Variants in NMRAL1 observed in about 807,000 individuals in gnomAD.
NMRAL1 encodes the protein NmrA like redox sensor 1.
Under a neutral mutation model 27.5 loss-of-function variants are expected in NMRAL1, and 32 were observed. The ratio of observed to expected loss-of-function variants is 1.16; its 90% CI spans 0.88 to 1.56. The LOEUF is 1.56. NMRAL1 is among the 40% of genes most tolerant of loss of function. The probability of loss-of-function intolerance (pLI) is 0.00; values close to 1 mark genes in which losing one functional copy is unlikely to be tolerated. For synonymous variants in NMRAL1, 166 were observed against 166.8 expected (o/e 1.00, Z 0.04); for missense variants, 420 against 392.0 (o/e 1.07, Z -0.60).
chr16:4,473,963 C>A, intron 2 of NMRAL1, 130 bp downstream of exon 2: 1 of 653,810 alleles, frequency 1.5e-6, no homozygotes, highest in East Asian at 2.9e-5. Context: ...GGCCTCGTTC[C>A]TGCGACCACA....
rs145195684 is a variant in NMRAL1 at position 4,466,500 on chromosome 16, C to T, written c.280-98G>A. On this transcript the variant is annotated intron_variant, in intron 3 of 5. Transcript: ENST00000283429. ...CTAATCCCGGAGCGGCCACCATCTG[C>T]GAGGTTAACATCTAGACCCCACTTA... The T allele has an allele frequency of 4.5e-4, 580 of 1,279,746 alleles. 1 individual carries two copies. Among genetic ancestry groups the T allele is most frequent in the Non-Finnish European group, 5.9e-4 (541 of 914,216 alleles). The allele number at this position is 1,279,746 out of a possible 1,614,324, so 79.3% of individuals were successfully genotyped here.
intron 3 of NMRAL1, among the ~76,000 whole-genome samples, chr16:4,467,768 C>G (rs1015465362): frequency 6.6e-6 from 1 of 151,564 alleles, no homozygotes; most frequent in Admixed American, 6.6e-5. Flanking sequence ...TACAGGCGCC[C>G]ACCACCATGC....
Position 4,466,164 on chromosome 16 carries a change from C to G in NMRAL1, c.518G>C (p.Ser173Thr), listed in dbSNP as rs763091137. 2.4e-5 allele frequency: 39 copies of G among 1,614,184 alleles called. No homozygotes were observed. Among genetic ancestry groups the G allele is most frequent in the Non-Finnish European group, 3.3e-5 (39 of 1,180,042 alleles). Residue 173 changes from serine (S) to threonine (T), a missense_variant, in exon 4 of 6, where the codon AGC (serine) becomes ACC (threonine). Physicochemically the swap from Ser to Thr is moderately conservative, Grantham distance 58. Transcript: ENST00000283429. ...FLPQKAPDGK[S>T]YLLSLPTGDV... is the part of the protein sequence containing the mutation. ...GAAAGGGCACTTACTCAGCAAGTAG[C>G]TCTTTCCGTCTGGGGCTTTCTGGGG...
chr16:4,475,831 C>G (rs1364142417), upstream of NMRAL1: 1 of 151,960 alleles, frequency 6.6e-6, no homozygotes, highest in African/African-American at 2.4e-5. Flanking sequence ...CCCAGCTATT[C>G]GGGAGGTTAA....
intron 3 of NMRAL1, among the ~76,000 whole-genome samples, chr16:4,468,266 C>A (rs1452926978): frequency 1.3e-5 from 2 of 152,066 alleles, no homozygotes; most frequent in Non-Finnish European, 2.9e-5. Context: ...TGCGCCATTG[C>A]ATGCCAGCCT....
At position 4,469,007 on chromosome 16, in the gene NMRAL1, TG is replaced by T. The variant is rs773517743; in HGVS notation, c.279+219del. On this transcript the variant is annotated intron_variant, in intron 3 of 5. Coordinates refer to ENST00000283429, the MANE Select transcript of NMRAL1 (RefSeq NM_020677.6). ...AAAAAACAAACGAACAGGCCAGGCG[TG>T]GTTGCTCACGGAGACTGAGACGGCC... Among the ~76,000 whole-genome samples the T allele has an allele frequency of 1.4e-3, 211 of 147,436 alleles. 1 individual carries two copies. The highest frequency in any genetic ancestry group is 2.6e-3 in the Non-Finnish European group (178 of 67,286).
In NMRAL1 at chr16:4,466,094, C is replaced by T. The variant is rs1414016487; in HGVS notation, c.529+59G>A. 1.6e-5 allele frequency: 26 copies of T among 1,601,808 alleles called. No homozygotes were observed. The East Asian group carries it at 2.2e-4, about 14-fold the overall frequency. ...CGTGACAGCGGCCCGCGGTCTGTTA[C>T]ACCAACGGCTTTACAGGGTGAGAGC... On this transcript the variant is annotated intron_variant, in intron 4 of 5. Transcript: ENST00000283429.
At position 4,468,642 on chromosome 16, in the gene NMRAL1, C is replaced by T. The variant is rs530831968; in HGVS notation, c.279+585G>A. On this transcript the variant is annotated intron_variant, in intron 3 of 5. Coordinates refer to ENST00000283429, the MANE Select transcript of NMRAL1 (RefSeq NM_020677.6). The stretch of plus-strand genomic sequence containing the variant: ...AAAAAAAAAAAAAAAAAAAGATCTG[C>T]GTTAATCAGAGAAGTTGTCTTTGTC... 2.7e-5 allele frequency among the ~76,000 whole-genome samples: 4 copies of T among 148,082 alleles called. No homozygotes were observed. In the East Asian group the frequency reaches 7.9e-4, roughly 29 times the overall value.
intron 2 of NMRAL1, among the ~76,000 whole-genome samples, chr16:4,470,946 C>CA (rs56092245): frequency 0.58 from 77,665 of 133,370 alleles, 24,046 homozygotes; most frequent in Non-Finnish European, 0.71. Context: ...GACTCCGTCT[C>CA]AAAAAAAAAA....
At chr16:4,474,369 T>C in intron 1 of NMRAL1, 185 bp downstream of exon 1, 1 of 485,772 alleles carries the variant, frequency 2.1e-6, no homozygotes, top group Non-Finnish European at 3.7e-6. Context: ...CCTTCCCGCC[T>C]CCCCCGGTTC....
intron 4 of NMRAL1, among the ~76,000 whole-genome samples, chr16:4,465,425 C>T (rs1044737528): frequency 9.8e-4 from 149 of 152,334 alleles, no homozygotes; most frequent in Non-Finnish European, 2.2e-4. Flanking sequence ...GAGCCTTGTT[C>T]CCAGCCAGGG....
intron 2 of NMRAL1, among the ~76,000 whole-genome samples, chr16:4,470,217 C>A (rs1176688499): frequency 6.8e-6 from 1 of 147,078 alleles, no homozygotes; most frequent in East Asian, 2.0e-4. Context: ...CACCTGTAAT[C>A]CTAGCACTTT....
At chr16:4,468,744 C>G (rs1278652964) in intron 3 of NMRAL1, among the ~76,000 whole-genome samples, 1 of 151,530 alleles carries the variant, frequency 6.6e-6, no homozygotes, top group African/African-American at 2.4e-5. Flanking sequence ...TGGATGGGTA[C>G]ACGTGGACAT....
intron 4 of NMRAL1, among the ~76,000 whole-genome samples, chr16:4,464,424 C>T (rs1053611689): frequency 6.6e-6 from 1 of 152,110 alleles, no homozygotes; most frequent in African/African-American, 2.4e-5. Context: ...ATGAATGACT[C>T]GCAAACTTCC....
In NMRAL1 at chr16:4,474,183, G is replaced by C. The variant is rs779207262; in HGVS notation, c.-34-17C>G. 1.4e-5 allele frequency: 22 copies of C among 1,589,994 alleles called. No individual in the cohort carries two copies. Among genetic ancestry groups the C allele is most frequent in the Non-Finnish European group, 1.6e-5 (19 of 1,164,474 alleles). ...TCCAGAGATCTGGGGGTAATGGGAG[G>C]CGTGGAGTTGGGGGTGGGGCCGGGG... On this transcript the variant is annotated splice_polypyrimidine_tract_variant and intron_variant, in intron 1 of 5. Transcript: ENST00000283429.
chr16:4,474,156 G>T lies in NMRAL1; in HGVS notation c.-24C>A. On this transcript the variant is annotated 5_prime_UTR_variant, in exon 2 of 6. Coordinates refer to ENST00000283429, the MANE Select transcript of NMRAL1 (RefSeq NM_020677.6). ...ATGAGGACGAGAATGGGACGAATCC[G>T]GTCCAGAGATCTGGGGGTAATGGGA... 1 of 1,608,262 alleles carries T rather than the reference G, an allele frequency of 6.2e-7. No homozygotes were observed. The highest frequency in any genetic ancestry group is 1.1e-5 in the South Asian group (1 of 90,108).
intron 5 of NMRAL1, chr16:4,463,414 C>G (rs373842276): frequency 1.1e-5 from 6 of 532,186 alleles, no homozygotes; most frequent in Non-Finnish European, 3.2e-6. Context: ...TTTCACCCCT[C>G]CTTGCCTTGG....
At chr16:4,470,854 G>C (rs1246926836) in intron 2 of NMRAL1, among the ~76,000 whole-genome samples, 2 of 151,968 alleles carry the variant, frequency 1.3e-5, no homozygotes, top group Admixed American at 6.6e-5. Context: ...GACTGAGGCA[G>C]GAGAATGGCA....
chr16:4,462,830 C>T (rs541465087), intron 5 of NMRAL1, among the ~76,000 whole-genome samples: 3 of 151,438 alleles, frequency 2.0e-5, no homozygotes, highest in Non-Finnish European at 2.9e-5. Context: ...ACCCAACTTT[C>T]GTCTTTTAAG....
Sources: allele counts gnomAD v4.1 joint callset (sites outside exome capture counted in the v4.1 genomes callset), GRCh38; gene constraint gnomAD v4.1.1; transcripts MANE v1.5; gene names NCBI Gene and HGNC (gene_info 2026-07-23, HGNC 2026-07-21).